Variants in COLEC12 observed in about 807,000 individuals in gnomAD.
COLEC12 encodes the protein collectin-12.
In COLEC12, 33 loss-of-function variants were observed where a neutral mutation model predicts 71.1. The ratio of observed to expected loss-of-function variants is 0.46; its 90% confidence interval spans 0.35 to 0.62. COLEC12 has a LOEUF of 0.62. Among genes scored for constraint, COLEC12 ranks in the 20% least tolerant of loss-of-function variants. COLEC12 has a pLI of 0.00. For missense variants in COLEC12, 765 were observed against 916.1 expected (o/e 0.84, Z 2.13); for synonymous variants, 350 against 353.0 (o/e 0.99, Z 0.10).
chr18:421,323 TC>T (rs1267165071), intron 2 of COLEC12, among the ~76,000 whole-genome samples: 1 of 152,142 alleles, frequency 6.6e-6, no homozygotes, highest in Non-Finnish European at 1.5e-5. Flanking sequence ...ACTTCACTAT[TC>T]CCTACGATCA....
chr18:333,219 A>G (rs1187188222), intron 6 of COLEC12, 76 bp from the exon 7 acceptor site: 3 of 1,309,858 alleles, frequency 2.3e-6, no homozygotes, highest in African/African-American at 3.0e-5. Flanking sequence ...TGTGTTTCAG[A>G]GGCCAAAACT....
chr18:349,724 C>T (rs901478902), intron 3 of COLEC12, among the ~76,000 whole-genome samples: 2 of 152,222 alleles, frequency 1.3e-5, no homozygotes, highest in Non-Finnish European at 2.9e-5. Flanking sequence ...TGGGAACCCA[C>T]CTCTTGCGTC....
intron 2 of COLEC12, among the ~76,000 whole-genome samples, chr18:382,318 T>C (rs1300924361): frequency 6.6e-6 from 1 of 152,216 alleles, no homozygotes; most frequent in Admixed American, 6.5e-5. Flanking sequence ...CTTTCTGCTT[T>C]TCATGCCCAG....
At position 346,705 on chromosome 18, in the gene COLEC12, G is replaced by C. The variant is rs758176199; in HGVS notation, c.917C>G (p.Ala306Gly). 9.3e-6 allele frequency: 15 copies of C among 1,614,068 alleles called. No homozygotes were observed. In the East Asian group the frequency reaches 3.3e-4, roughly 36 times the overall value. Reference sequence around the variant, plus strand: ...CAGGTCTTTCAGGTTCTGCTCGTTGGCTTGAGAGATAGTGGTGATGTTCTC... The same window carrying C: ...CAGGTCTTTCAGGTTCTGCTCGTTGCCTTGAGAGATAGTGGTGATGTTCTC... The part of the protein sequence containing the change: ...QMENITTISQ[A>G]NEQNLKDLQD... Residue 306 changes from alanine to glycine, a missense_variant, in exon 5 of 10, where the codon GCC becomes GGC. Physicochemically the swap from Ala to Gly is moderately conservative, Grantham distance 60. Coordinates refer to ENST00000400256, the MANE Select transcript of COLEC12 (RefSeq NM_130386.3). This position sits in a 1 kb window ranked among gnomAD's most constrained non-coding sequence, Gnocchi z 4.0.
intron 2 of COLEC12, among the ~76,000 whole-genome samples, chr18:470,014 T>C (rs1330924819): frequency 6.6e-6 from 1 of 152,156 alleles, no homozygotes; most frequent in Non-Finnish European, 1.5e-5. Flanking sequence ...TGGAAGGCAT[T>C]TGGTGAATGT....
chr18:446,958 A>G (rs1046952985), intron 2 of COLEC12, among the ~76,000 whole-genome samples: 2 of 152,226 alleles, frequency 1.3e-5, no homozygotes, highest in Admixed American at 6.5e-5. Context: ...TAGAGTGGTC[A>G]GTACCACCTG....
intron 2 of COLEC12, among the ~76,000 whole-genome samples, chr18:478,511 G>A (rs1435539125): frequency 1.3e-5 from 2 of 152,168 alleles, no homozygotes; most frequent in East Asian, 1.9e-4. Flanking sequence ...TACTTGAGAG[G>A]CTGAGGCAGG....
At position 416,639 on chromosome 18, in the gene COLEC12, G is replaced by A. The variant is rs548100121; in HGVS notation, c.59-59117C>T. On this transcript the variant is annotated intron_variant, in intron 2 of 9. Transcript: ENST00000400256. Reference sequence around the variant, plus strand: ...TATAAAGCTTTGGGACTCCTCCACCGCCATGCTGGGCGGTGCCATGGGCCC... The same window carrying A: ...TATAAAGCTTTGGGACTCCTCCACCACCATGCTGGGCGGTGCCATGGGCCC... Among the ~76,000 whole-genome samples, 8 of 152,236 alleles carry A rather than the reference G, an allele frequency of 5.3e-5. No individual in the cohort carries two copies. In the East Asian group the frequency reaches 7.7e-4, roughly 15 times the overall value.
At chr18:391,364 T>C (rs1199079600) in intron 2 of COLEC12, among the ~76,000 whole-genome samples, 1 of 151,982 alleles carries the variant, frequency 6.6e-6, no homozygotes, top group African/African-American at 2.4e-5. Flanking sequence ...AATTTGGGGG[T>C]GGATTGCTTT....
chr18:388,610 T>C (rs1196637585), intron 2 of COLEC12, among the ~76,000 whole-genome samples: 1 of 152,202 alleles, frequency 6.6e-6, no homozygotes, highest in East Asian at 1.9e-4. Context: ...TTTTGTTTTT[T>C]TGAGACAGGG....
intron 2 of COLEC12, among the ~76,000 whole-genome samples, chr18:389,518 T>C (rs12052032): frequency 0.17 from 25,734 of 151,482 alleles, 2,605 homozygotes; most frequent in South Asian, 0.28. Flanking sequence ...GACCTCATGG[T>C]CCGCCCACCT....
chr18:337,851 AC>A (rs1308063328), intron 5 of COLEC12, among the ~76,000 whole-genome samples: 3 of 151,540 alleles, frequency 2.0e-5, no homozygotes, highest in African/African-American at 4.9e-5. Context: ...CATTGCCACA[AC>A]CCTCTTTTCC....
intron 2 of COLEC12, among the ~76,000 whole-genome samples, chr18:468,949 C>T (rs1158026633): frequency 6.6e-6 from 1 of 152,228 alleles, no homozygotes; most frequent in African/African-American, 2.4e-5. Context: ...TTTAAGTGAA[C>T]ATAGCTGCTA....
chr18:362,880 G>A lies in COLEC12; in HGVS notation c.59-5358C>T, dbSNP rs1914776803. Among the ~76,000 whole-genome samples the A allele has an allele frequency of 6.6e-6, 1 of 152,154 alleles. No homozygotes were observed. The highest frequency in any genetic ancestry group is 1.5e-5 in the Non-Finnish European group (1 of 68,028). On this transcript the variant is annotated intron_variant, in intron 2 of 9. Coordinates refer to ENST00000400256, the MANE Select transcript of COLEC12 (RefSeq NM_130386.3). This position sits in a 1 kb window ranked among gnomAD's most constrained non-coding sequence, Gnocchi z 4.6. ...CCGAGTCTTTGTTATACAAAAAAGT[G>A]TGGGGGCCCAGTGAAGCCAAAATCG...
intron 2 of COLEC12, among the ~76,000 whole-genome samples, chr18:459,501 T>C (rs1300255929): frequency 6.6e-6 from 1 of 152,220 alleles, no homozygotes; most frequent in African/African-American, 2.4e-5. Context: ...GCTTTCCTCA[T>C]TGGGACGTAT....
Position 348,061 on chromosome 18 carries a change from T to G in COLEC12, c.280+4A>C. On this transcript the variant is annotated splice_donor_region_variant and intron_variant, in intron 4 of 9. Coordinates refer to ENST00000400256, the MANE Select transcript of COLEC12 (RefSeq NM_130386.3). ...TTTCATGGTTTAGTCTTGTCACAGA[T>G]TACCTAATTTTTTCAGGTCACTTTC... is the stretch of plus-strand genomic sequence containing the variant. The G allele has an allele frequency of 1.3e-6, 2 of 1,597,890 alleles. No homozygotes were observed. The highest frequency in any genetic ancestry group is 1.7e-6 in the Non-Finnish European group (2 of 1,170,510).
intron 1 of COLEC12, among the ~76,000 whole-genome samples, chr18:499,505 T>C (rs891560510): frequency 1.3e-5 from 2 of 152,202 alleles, no homozygotes; most frequent in Non-Finnish European, 2.9e-5. Flanking sequence ...GTCAAAGCGA[T>C]TGCATCGCCA....
chr18:408,654 GATTT>G lies in COLEC12; in HGVS notation c.59-51136_59-51133del, dbSNP rs1915834286. On this transcript the variant is annotated intron_variant, in intron 2 of 9. Transcript: ENST00000400256. This position sits in a 1 kb window ranked among gnomAD's most constrained non-coding sequence, Gnocchi z 4.3. ...GAAAATAAAAGCATGGGAGGAAAAA[GATTT>G]AAGGTTATTTCTTTAAGTCAAATTT... 6.6e-6 allele frequency among the ~76,000 whole-genome samples: 1 copy of G among 151,560 alleles called. No individual in the cohort carries two copies. The highest frequency in any genetic ancestry group is 2.4e-5 in the African/African-American group (1 of 41,276).
intron 2 of COLEC12, among the ~76,000 whole-genome samples, chr18:415,755 T>G (rs184897013): frequency 2.0e-5 from 3 of 152,106 alleles, no homozygotes; most frequent in African/African-American, 7.2e-5. Context: ...AGCAGGTATG[T>G]GTCAGCAGAG....
Sources: allele counts gnomAD v4.1 joint callset (sites outside exome capture counted in the v4.1 genomes callset), GRCh38; gene constraint gnomAD v4.1.1; non-coding constraint Gnocchi (gnomAD v3.1); transcripts MANE v1.5; gene names NCBI Gene and HGNC (gene_info 2026-07-23, HGNC 2026-07-21).